The following AADACL3 variants were observed in gnomAD, a reference collection of about 807,000 sequenced individuals.
AADACL3 encodes the protein arylacetamide deacetylase-like 3.
In AADACL3, 13 loss-of-function variants were observed where a neutral mutation model predicts 13.6. That is an observed-to-expected ratio of 0.95 (90% CI 0.62 to 1.52). The LOEUF is 1.52. Ranked by LOEUF, AADACL3 falls within the 40% of genes most tolerant of loss-of-function variation. AADACL3 has a pLI of 0.00. For missense variants in AADACL3, 519 were observed against 499.2 expected, an observed-to-expected ratio of 1.04 and a Z score of -0.38; for synonymous variants, 195 against 197.0, an observed-to-expected ratio of 0.99 and a Z score of 0.08.
rs748828471 is a variant in AADACL3, at chr1:12,725,886, A to T, written c.1114A>T (p.Met372Leu). The T allele has an allele frequency of 1.9e-6, 3 of 1,614,176 alleles. No individual in the cohort carries two copies. The highest frequency in any genetic ancestry group is 2.5e-6 in the Non-Finnish European group (3 of 1,180,018). ...GGGAGTGCCCGTGACCTGGCACCATATGGAGGATGGTTTCCATGGAGTGCT... is the reference window on the plus strand; with the variant it reads ...GGGAGTGCCCGTGACCTGGCACCATTTGGAGGATGGTTTCCATGGAGTGCT... ...DLGVPVTWHH[M>L]EDGFHGVLRT... is the part of the protein sequence containing the mutation. The change falls in exon 4 of 4, where the codon ATG becomes TTG. Residue 372 changes from methionine to leucine, a missense_variant. By Grantham distance (15) the Met-to-Leu change is conservative (BLOSUM62 2). Coordinates refer to ENST00000359318, the MANE Select transcript of AADACL3 (RefSeq NM_001103170.3).
chr1:12,717,946 A>G (rs1218295552), intron 1 of AADACL3, among the ~76,000 whole-genome samples: 1 of 152,168 alleles, frequency 6.6e-6, no homozygotes, highest in Non-Finnish European at 1.5e-5. Flanking sequence ...AATTCTTCTC[A>G]TGAGGAATGA....
At position 12,728,756 on chromosome 1, in the gene AADACL3, G is replaced by T. The variant is rs1228664892; in HGVS notation, c.*2760G>T. The T allele has an allele frequency of 6.6e-6, 1 of 152,248 alleles. No individual in the cohort carries two copies. Among genetic ancestry groups the T allele is most frequent in the Admixed American group, 6.5e-5 (1 of 15,284 alleles). The allele number at this position is 152,248 out of a possible 1,614,324, so 9.4% of individuals were successfully genotyped here. ...TTTCTTAAAATAAAATAAGACAACA[G>T]TGGATTTGCCACATCAATGGACTCT... is the stretch of plus-strand genomic sequence containing the variant. On this transcript the variant is annotated 3_prime_UTR_variant, in exon 4 of 4. Transcript: ENST00000359318.
At chr1:12,721,388 C>G (rs549757705) in intron 3 of AADACL3, among the ~76,000 whole-genome samples, 2 of 152,152 alleles carry the variant, frequency 1.3e-5, no homozygotes, top group East Asian at 3.9e-4. Flanking sequence ...GAACAAGACC[C>G]TGTCTTAAAA....
chr1:12,719,918 A>T (rs1462393928), intron 2 of AADACL3, among the ~76,000 whole-genome samples: 2 of 152,204 alleles, frequency 1.3e-5, no homozygotes, highest in Non-Finnish European at 2.9e-5. Context: ...ACAATACTGT[A>T]ATATAAGGAA....
chr1:12,727,573 G>A lies in AADACL3; in HGVS notation c.*1577G>A, dbSNP rs575192526. On this transcript the variant is annotated 3_prime_UTR_variant, in exon 4 of 4. Transcript: ENST00000359318. The stretch of plus-strand genomic sequence containing the variant: ...TGGTTAGTGGTCTTTACAGGCCAAG[G>A]TCAAGGCCATTGCACAAAAAACCCT... 2.0e-5 allele frequency: 3 copies of A among 152,224 alleles called. No homozygotes were observed. Among genetic ancestry groups the A allele is most frequent in the African/African-American group, 7.2e-5 (3 of 41,450 alleles). 9.4% of individuals were successfully genotyped at this position (152,224 alleles called of 1,614,324 possible).
chr1:12,722,480 T>C (rs563334873), intron 3 of AADACL3, among the ~76,000 whole-genome samples: 26 of 152,210 alleles, frequency 1.7e-4, no homozygotes, highest in Admixed American at 5.9e-4. Flanking sequence ...ATTCTGATTG[T>C]ACCAAACCAA....
Position 12,716,228 on chromosome 1 carries a change from G to C in AADACL3, c.52G>C (p.Gly18Arg). The change falls in exon 1 of 4, where the codon GGG (glycine) becomes CGG (arginine). Residue 18 changes from glycine to arginine, a missense_variant. Gly to Arg is a moderately radical substitution (Grantham distance 125). Transcript: ENST00000359318. ...CGCAGCAGCCTGCGTGTTCTCACTA[G>C]GGGTCACTCTGTGGGTCATTTGCAG... ...FLAAACVFSL[G>R]VTLWVICSHF... 3 of 1,350,006 alleles carry C rather than the reference G, an allele frequency of 2.2e-6. No individual in the cohort carries two copies. Among genetic ancestry groups the C allele is most frequent in the Non-Finnish European group, 3.2e-6 (3 of 940,272 alleles). 83.6% of individuals were successfully genotyped at this position (1,350,006 alleles called of 1,614,324 possible). A position where few individuals can be genotyped will look rare whatever the true frequency, so the allele number is the denominator to read the frequency against.
At chr1:12,724,276 G>A (rs912883434) in intron 3 of AADACL3, among the ~76,000 whole-genome samples, 10 of 152,026 alleles carry the variant, frequency 6.6e-5, no homozygotes, top group African/African-American at 2.4e-4. Flanking sequence ...CATTCACTTG[G>A]ACCGGGACAA....
chr1:12,726,612 G>T lies in AADACL3; in HGVS notation c.*616G>T, dbSNP rs1171431830. 2 of 152,272 alleles carry T rather than the reference G, an allele frequency of 1.3e-5. No homozygotes were observed. Among genetic ancestry groups the T allele is most frequent in the Non-Finnish European group, 2.9e-5 (2 of 68,110 alleles). 9.4% of individuals were successfully genotyped at this position (152,272 alleles called of 1,614,324 possible). On this transcript the variant is annotated 3_prime_UTR_variant, in exon 4 of 4. Transcript: ENST00000359318. ...TAGAATGGATAGAGCTTCCACAGTG[G>T]TTGGCATCTAGTGGTGGATGAAGAC...
chr1:12,722,545 T>G (rs1160170386), intron 3 of AADACL3, among the ~76,000 whole-genome samples: 1 of 151,972 alleles, frequency 6.6e-6, no homozygotes, highest in African/African-American at 2.4e-5. Context: ...CTTTTCTAAA[T>G]CCAAGGTAGA....
At chr1:12,720,784 C>A (rs547636769) in intron 2 of AADACL3, 99 bp from the exon 3 acceptor site, 3 of 994,322 alleles carry the variant, frequency 3.0e-6, no homozygotes, top group South Asian at 2.6e-5. Context: ...AAAACCTAGT[C>A]GGCATCGGCC....
intron 2 of AADACL3, among the ~76,000 whole-genome samples, chr1:12,720,546 G>C (rs1029115450): frequency 3.9e-4 from 59 of 152,232 alleles, no homozygotes; most frequent in African/African-American, 1.3e-3. Flanking sequence ...GACTTGCTAG[G>C]CACTATGTTA....
At chr1:12,724,928 A>G (rs1638335082) in intron 3 of AADACL3, among the ~76,000 whole-genome samples, 1 of 152,134 alleles carries the variant, frequency 6.6e-6, no homozygotes, top group Non-Finnish European at 1.5e-5. Flanking sequence ...CAGGGAAGCA[A>G]CATGAGGCAG....
Position 12,726,410 on chromosome 1 carries a change from C to G in AADACL3, c.*414C>G, listed in dbSNP as rs1212612770. Reference sequence around the variant, plus strand: ...CAAGGGCATCATGTACTTCACGAGGCTTTCCCAATGTGGCTCAGAGGCAGG... The same window carrying G: ...CAAGGGCATCATGTACTTCACGAGGGTTTCCCAATGTGGCTCAGAGGCAGG... On this transcript the variant is annotated 3_prime_UTR_variant, in exon 4 of 4. Transcript: ENST00000359318. 6.0e-6 allele frequency: 1 copy of G among 166,898 alleles called. No homozygotes were observed. The highest frequency in any genetic ancestry group is 5.9e-5 in the Admixed American group (1 of 17,052). 10.3% of individuals were successfully genotyped at this position (166,898 alleles called of 1,614,324 possible). A position where few individuals can be genotyped will look rare whatever the true frequency, so the allele number is the denominator to read the frequency against.
At chr1:12,720,673 T>A (rs898344502) in intron 2 of AADACL3, among the ~76,000 whole-genome samples, 3 of 152,024 alleles carry the variant, frequency 2.0e-5, no homozygotes, top group Admixed American at 1.3e-4. Flanking sequence ...TAATGGCTTG[T>A]AGGATGGATT....
chr1:12,719,003 C>T (rs933932718), intron 1 of AADACL3, among the ~76,000 whole-genome samples: 3 of 152,140 alleles, frequency 2.0e-5, no homozygotes, highest in African/African-American at 4.8e-5. Context: ...TAGGCATTTT[C>T]AAAAGATATG....
chr1:12,725,016 C>A (rs963885683), intron 3 of AADACL3, among the ~76,000 whole-genome samples: 1 of 152,110 alleles, frequency 6.6e-6, no homozygotes, highest in South Asian at 2.1e-4. Context: ...ACAGGTCCCC[C>A]ATTAGGGCAT....
chr1:12,725,701 C>A lies in AADACL3; in HGVS notation c.929C>A (p.Ala310Asp). The A allele has an allele frequency of 6.2e-7, 1 of 1,614,170 alleles. No homozygotes were observed. The highest frequency in any genetic ancestry group is 1.1e-5 in the South Asian group (1 of 91,082). Residue 310 changes from alanine to aspartate, a missense_variant, in exon 4 of 4, where the codon GCT becomes GAT. Physicochemically the swap from Ala to Asp is moderately radical, Grantham distance 126. Transcript: ENST00000359318. ...QLKPHEPMNE[A>D]AYLEVSVVLD... The stretch of plus-strand genomic sequence containing the variant: ...AAGCCCCATGAGCCCATGAATGAAG[C>A]TGCTTACTTGGAAGTAAGTGTTGTC...
In AADACL3 at chr1:12,716,141, C is replaced by G; in HGVS notation, c.-36C>G. 1 of 678,616 alleles carries G rather than the reference C, an allele frequency of 1.5e-6. No homozygotes were observed. Among genetic ancestry groups the G allele is most frequent in the Non-Finnish European group, 2.7e-6 (1 of 375,744 alleles). 42.0% of individuals were successfully genotyped at this position (678,616 alleles called of 1,614,324 possible). A position where few individuals can be genotyped will look rare whatever the true frequency, so the allele number is the denominator to read the frequency against. On this transcript the variant is annotated 5_prime_UTR_variant, in exon 1 of 4. Transcript: ENST00000359318. ...TGTCCTAAATGGTTTACACTGCGCA[C>G]AGCTTCCTCTCAGCCCGCTCTGAGC...
Sources: gnomAD v4.1 joint callset for allele counts (sites outside exome capture counted in the v4.1 genomes callset) on GRCh38, gnomAD v4.1.1 for gene constraint, MANE v1.5 for transcripts, NCBI Gene and HGNC (gene_info 2026-07-23, HGNC 2026-07-21) for gene names.